The following CCDC171 variants were observed in gnomAD, a reference collection of about 807,000 sequenced individuals.
The protein encoded by CCDC171 is coiled-coil domain containing 171.
Under a neutral mutation model 168.2 loss-of-function variants are expected in CCDC171, and 177 were observed. That is an observed-to-expected ratio of 1.05 (90% CI 0.93 to 1.19). The LOEUF is 1.19. Ranked by LOEUF, CCDC171 falls within the 50% of genes most tolerant of loss-of-function variation. CCDC171 has a pLI of 0.00. For synonymous variants in CCDC171, 687 were observed against 540.8 expected (o/e 1.27, Z -3.75); for missense variants, 1,991 against 1,539.0 (o/e 1.29, Z -4.91).
intron 6 of CCDC171, among the ~76,000 whole-genome samples, chr9:15,594,888 C>T (rs779719320): frequency 5.9e-5 from 9 of 152,086 alleles, no homozygotes; most frequent in Non-Finnish European, 1.2e-4. Context: ...AAGAAAAAAA[C>T]CCATGAATCA....
the CCDC171 span, among the ~76,000 whole-genome samples, chr9:16,103,019 A>C: frequency 6.6e-6 from 1 of 152,220 alleles, no homozygotes; most frequent in African/African-American, 2.4e-5. Flanking sequence ...CCGCACAGGT[A>C]ATGCAATTGC....
At chr9:15,962,156 C>T (rs1379279711) in intron 25 of CCDC171, among the ~76,000 whole-genome samples, 1 of 152,136 alleles carries the variant, frequency 6.6e-6, no homozygotes, top group Non-Finnish European at 1.5e-5. Context: ...TGTGCTACAA[C>T]ACAGGGGCTA....
At chr9:15,901,364 A>G (rs1163261230) in intron 24 of CCDC171, among the ~76,000 whole-genome samples, 3 of 152,206 alleles carry the variant, frequency 2.0e-5, no homozygotes, top group African/African-American at 7.2e-5. Context: ...ATGTGTCAGC[A>G]TAGGTTCATT....
At chr9:15,804,254 C>G (rs1330970228) in intron 21 of CCDC171, among the ~76,000 whole-genome samples, 4 of 152,020 alleles carry the variant, frequency 2.6e-5, no homozygotes, top group African/African-American at 7.2e-5. Flanking sequence ...CCTGGCCAGA[C>G]TTTCAATACT....
chr9:16,085,048 T>A, the CCDC171 span, among the ~76,000 whole-genome samples: 1 of 152,244 alleles, frequency 6.6e-6, no homozygotes, highest in South Asian at 2.1e-4. Context: ...TATTACATTA[T>A]GACAACCAGT....
chr9:16,038,218 G>A (rs937793315), upstream of CCDC171, among the ~76,000 whole-genome samples: 1 of 152,064 alleles, frequency 6.6e-6, no homozygotes, highest in Non-Finnish European at 1.5e-5. Flanking sequence ...TAAAATTAAA[G>A]TTTTGTTTGG....
chr9:15,980,875 A>G (rs1831774032), intron 3 of CCDC171, among the ~76,000 whole-genome samples: 1 of 150,936 alleles, frequency 6.6e-6, no homozygotes, highest in African/African-American at 2.4e-5. Context: ...ATAAAGACAT[A>G]CCAGAGACTG....
intron 10 of CCDC171, among the ~76,000 whole-genome samples, chr9:15,692,813 C>T (rs908283511): frequency 6.6e-6 from 1 of 151,032 alleles, no homozygotes; most frequent in African/African-American, 2.4e-5. Context: ...AGGCGTGAGC[C>T]ACAGCTCCCG....
At chr9:15,937,969 T>C (rs1827294461) in intron 25 of CCDC171, among the ~76,000 whole-genome samples, 1 of 151,856 alleles carries the variant, frequency 6.6e-6, no homozygotes, top group Non-Finnish European at 1.5e-5. Flanking sequence ...TATGTACGTC[T>C]TGAAAGAGAA....
At chr9:15,593,950 TA>T in intron 5 of CCDC171, 90 bp from the exon 6 acceptor site, 1 of 799,752 alleles carries the variant, frequency 1.3e-6, no homozygotes, top group Non-Finnish European at 2.1e-6. Context: ...CATCTATAGG[TA>T]AGGAGAGCCT....
chr9:15,580,056 A>C (rs1408130810), intron 4 of CCDC171, among the ~76,000 whole-genome samples: 1 of 152,190 alleles, frequency 6.6e-6, no homozygotes, highest in Non-Finnish European at 1.5e-5. Flanking sequence ...AGTACCCAGA[A>C]ATAAAGACAA....
At chr9:15,666,113 G>A in intron 8 of CCDC171, 50 bp from the exon 9 acceptor site, 1 of 1,526,332 alleles carries the variant, frequency 6.6e-7, no homozygotes, top group African/African-American at 1.4e-5. Flanking sequence ...ATTTAAGATT[G>A]ATGCTAGCAT....
intron 21 of CCDC171, among the ~76,000 whole-genome samples, chr9:15,829,121 C>T (rs1292302674): frequency 6.6e-6 from 1 of 152,182 alleles, no homozygotes; most frequent in Non-Finnish European, 1.5e-5. Context: ...ATAGTATAGA[C>T]ACCCAAATTT....
At chr9:15,605,610 C>G (rs912169088) in intron 6 of CCDC171, among the ~76,000 whole-genome samples, 5 of 151,168 alleles carry the variant, frequency 3.3e-5, no homozygotes, top group Admixed American at 3.3e-4. Flanking sequence ...TCGCTTGAAC[C>G]CAGGAGGTGG....
chr9:15,607,074 C>T (rs1294251547), intron 6 of CCDC171, among the ~76,000 whole-genome samples: 1 of 152,120 alleles, frequency 6.6e-6, no homozygotes, highest in Non-Finnish European at 1.5e-5. Context: ...TGTTACATTG[C>T]ATCTCAGGAT....
intron 8 of CCDC171, among the ~76,000 whole-genome samples, chr9:15,661,402 T>A (rs1453641561): frequency 6.6e-6 from 1 of 152,122 alleles, no homozygotes; most frequent in African/African-American, 2.4e-5. Context: ...TTGTGATACA[T>A]CCCTGGGAAT....
At chr9:15,970,833 A>G (rs1184574923) in intron 25 of CCDC171, among the ~76,000 whole-genome samples, 1 of 152,196 alleles carries the variant, frequency 6.6e-6, no homozygotes, top group African/African-American at 2.4e-5. Context: ...AAAGATGGAA[A>G]CAATAGAGAC....
intron 3 of CCDC171, among the ~76,000 whole-genome samples, chr9:16,017,715 G>C (rs1250810350): frequency 6.6e-6 from 1 of 152,116 alleles, no homozygotes; most frequent in Non-Finnish European, 1.5e-5. Context: ...TAATATTTTT[G>C]ATTATAACTG....
At chr9:16,078,596 A>C in the CCDC171 span, among the ~76,000 whole-genome samples, 4 of 152,214 alleles carry the variant, frequency 2.6e-5, no homozygotes, top group Non-Finnish European at 5.9e-5. Flanking sequence ...TTCAATACTT[A>C]GCACTGTGCT....
Sources: gnomAD v4.1 joint callset for allele counts (sites outside exome capture counted in the v4.1 genomes callset) on GRCh38, gnomAD v4.1.1 for gene constraint, MANE v1.5 for transcripts, NCBI Gene and HGNC (gene_info 2026-07-23, HGNC 2026-07-21) for gene names.